The following COL4A4 variants were observed in gnomAD, a reference collection of about 807,000 sequenced individuals.
COL4A4 encodes collagen type IV alpha 4 chain, also known as collagen alpha-4(IV) chain.
COL4A4 carries 105 observed loss-of-function variants against 192.9 expected under a neutral mutation model. The ratio of observed to expected loss-of-function variants is 0.54; its 90% CI spans 0.46 to 0.64. The LOEUF (loss-of-function observed/expected upper bound fraction) is 0.64. Among genes scored for constraint, COL4A4 ranks in the 30% least tolerant of loss-of-function variants. The pLI is 0.00. For missense variants in COL4A4, 1,967 were observed against 2,169.3 expected (o/e 0.91, Z 1.85); for synonymous variants, 762 against 769.9 (o/e 0.99, Z 0.17).
At chr2:227,164,302 C>T (rs1405478591), upstream of COL4A4, 6 of 283,276 alleles carry the variant, frequency 2.1e-5, no homozygotes, top group South Asian at 1.6e-4. This position sits in a 1 kb window ranked among gnomAD's most constrained non-coding sequence, Gnocchi z 4.8. Flanking sequence ...GCCACCTCCC[C>T]ACCGCACACC....
intron 12 of COL4A4, among the ~76,000 whole-genome samples, chr2:227,105,896 C>T (rs2060810302): frequency 6.6e-6 from 1 of 152,088 alleles, no homozygotes; most frequent in Non-Finnish European, 1.5e-5. Context: ...TGTAATATTA[C>T]CTACCTCAAA....
intron 44 of COL4A4, among the ~76,000 whole-genome samples, chr2:227,016,201 C>T (rs1205841015): frequency 2.6e-5 from 4 of 152,118 alleles, no homozygotes; most frequent in African/African-American, 9.7e-5. Flanking sequence ...TAGAATCCAC[C>T]AAACAGCCCT....
intron 37 of COL4A4, among the ~76,000 whole-genome samples, chr2:227,041,596 G>A (rs907697249): frequency 2.7e-5 from 4 of 149,246 alleles, no homozygotes; most frequent in African/African-American, 7.5e-5. Flanking sequence ...AGCTGAGAAC[G>A]CGTCACTGTA....
chr2:227,086,125 G>A (rs544883005), intron 22 of COL4A4, among the ~76,000 whole-genome samples: 47 of 152,328 alleles, frequency 3.1e-4, no homozygotes, highest in African/African-American at 9.9e-4. Flanking sequence ...CATCCTGGCC[G>A]GAAATCCCAT....
intron 25 of COL4A4, among the ~76,000 whole-genome samples, chr2:227,065,177 G>C (rs1443083966): frequency 6.6e-6 from 1 of 152,194 alleles, no homozygotes; most frequent in East Asian, 1.9e-4. Context: ...GCGCTTTTCC[G>C]ACGGGCTTAA....
intron 37 of COL4A4, among the ~76,000 whole-genome samples, chr2:227,034,269 C>T (rs143464807): frequency 2.6e-5 from 4 of 152,214 alleles, no homozygotes; most frequent in East Asian, 1.9e-4. Context: ...TTTTTATCAA[C>T]GTATGTTGAG....
the COL4A4 span, chr2:226,988,356 T>C: frequency 1.9e-6 from 3 of 1,550,024 alleles, no homozygotes; most frequent in South Asian, 2.4e-5. Flanking sequence ...AAAGAGACAA[T>C]GGCAAGTCTC....
chr2:227,014,091 G>C (rs928698892), intron 44 of COL4A4, among the ~76,000 whole-genome samples: 1 of 152,204 alleles, frequency 6.6e-6, no homozygotes, highest in African/African-American at 2.4e-5. Flanking sequence ...GGCCCCGACT[G>C]TGCGTCCACA....
the COL4A4 span, chr2:226,996,306 C>G: frequency 6.6e-6 from 1 of 152,170 alleles, no homozygotes; most frequent in Admixed American, 6.5e-5. Flanking sequence ...CAGAGTAGAG[C>G]GAAGGCATTT....
chr2:227,101,751 T>G, intron 16 of COL4A4, 114 bp downstream of exon 16: 2 of 1,068,050 alleles, frequency 1.9e-6, no homozygotes, highest in South Asian at 1.4e-5. Context: ...ATAAAATGAA[T>G]GTGTCTGCCT....
rs570847590 is a variant in COL4A4 at position 227,041,598 on chromosome 2, G to A, written c.3505+550C>T. 8.1e-5 allele frequency among the ~76,000 whole-genome samples: 12 copies of A among 149,066 alleles called. No individual in the cohort carries two copies. In the South Asian group the frequency reaches 1.5e-3, roughly 19 times the overall value. Reference sequence around the variant, plus strand: ...GGAGGTTGCAGTGAGCTGAGAACGCGTCACTGTACTCCAGCCTGGGTGACA... The same window carrying A: ...GGAGGTTGCAGTGAGCTGAGAACGCATCACTGTACTCCAGCCTGGGTGACA... On this transcript the variant is annotated intron_variant, in intron 37 of 47. Transcript: ENST00000396625.
At chr2:227,144,968 TAGA>T (rs1269725028) in intron 2 of COL4A4, among the ~76,000 whole-genome samples, 8 of 151,964 alleles carry the variant, frequency 5.3e-5, no homozygotes, top group Admixed American at 1.3e-4. Flanking sequence ...TGGAAGCAAC[TAGA>T]AGGAGGGAAG....
intron 43 of COL4A4, among the ~76,000 whole-genome samples, chr2:227,023,814 C>G (rs917882304): frequency 6.6e-6 from 1 of 151,874 alleles, no homozygotes; most frequent in Non-Finnish European, 1.5e-5. Context: ...GAGATTGAGA[C>G]CATCCTAGCC....
rs114480786 is a variant in COL4A4, at chr2:227,047,925, G to A, written c.3215-376C>T. 1.7e-3 allele frequency among the ~76,000 whole-genome samples: 261 copies of A among 152,252 alleles called. 2 individuals carry two copies. Among genetic ancestry groups the A allele is most frequent in the African/African-American group, 6.0e-3 (251 of 41,544 alleles). On this transcript the variant is annotated intron_variant, in intron 34 of 47. Transcript: ENST00000396625. ...GAAACCAAAATCAAAAATTGTAACTGTTTTCACTGCTGCAATCATATTTCA... is the reference window on the plus strand; with the variant it reads ...GAAACCAAAATCAAAAATTGTAACTATTTTCACTGCTGCAATCATATTTCA...
chr2:226,981,258 C>G, the COL4A4 span, among the ~76,000 whole-genome samples: 1 of 152,072 alleles, frequency 6.6e-6, no homozygotes, highest in Non-Finnish European at 1.5e-5. Flanking sequence ...GGAGAAATAC[C>G]TAATGTAAAT....
chr2:227,042,311 C>A lies in COL4A4; in HGVS notation c.3398-56G>T, dbSNP rs1971631014. 4.1e-6 allele frequency: 4 copies of A among 964,312 alleles called. No homozygotes were observed. In the Admixed American group the frequency reaches 5.2e-5, roughly 13 times the overall value. 59.7% of individuals were successfully genotyped at this position (964,312 alleles called of 1,614,324 possible). On this transcript the variant is annotated intron_variant, in intron 36 of 47. Transcript: ENST00000396625. ...CCAGATAATAAATGAATTACATTCA[C>A]TGCAAAAGTCATCTATGTTCTTAAT...
rs962293107 is a variant in COL4A4, at chr2:227,004,742, G to T, written c.*2583C>A. 19 of 152,296 alleles carry T rather than the reference G, an allele frequency of 1.2e-4. No homozygotes were observed. The highest frequency in any genetic ancestry group is 3.4e-4 in the African/African-American group (14 of 41,432). 9.4% of individuals were successfully genotyped at this position (152,296 alleles called of 1,614,324 possible). On this transcript the variant is annotated 3_prime_UTR_variant, in exon 48 of 48. Coordinates refer to ENST00000396625, the MANE Select transcript of COL4A4 (RefSeq NM_000092.5). Reference sequence around the variant, plus strand: ...CATGGAAACCTGCCTGGATGAATGGGCTCCACTCACTGAGAATCAGAACCC... The same window carrying T: ...CATGGAAACCTGCCTGGATGAATGGTCTCCACTCACTGAGAATCAGAACCC...
In COL4A4 at chr2:227,123,637, G is replaced by A. The variant is rs919043256; in HGVS notation, c.193-2489C>T. On this transcript the variant is annotated intron_variant, in intron 4 of 47. Coordinates refer to ENST00000396625, the MANE Select transcript of COL4A4 (RefSeq NM_000092.5). This position sits in a 1 kb window ranked among gnomAD's most constrained non-coding sequence, Gnocchi z 4.6. ...TATCTCCTTGGCTGAGGGCCCTGGT[G>A]ATGGGTATGGAGTGCCTGCCAACTG... is the stretch of plus-strand genomic sequence containing the variant. Among the ~76,000 whole-genome samples, 9 of 152,212 alleles carry A rather than the reference G, an allele frequency of 5.9e-5. No individual in the cohort carries two copies. The highest frequency in any genetic ancestry group is 1.9e-4 in the African/African-American group (8 of 41,462).
At chr2:226,985,953 G>A in the COL4A4 span, among the ~76,000 whole-genome samples, 1 of 152,232 alleles carries the variant, frequency 6.6e-6, no homozygotes, top group African/African-American at 2.4e-5. Flanking sequence ...AGTTCAAAGT[G>A]GAGAAAACTG....
Sources: allele counts gnomAD v4.1 joint callset (sites outside exome capture counted in the v4.1 genomes callset), GRCh38; gene constraint gnomAD v4.1.1; non-coding constraint Gnocchi (gnomAD v3.1); transcripts MANE v1.5; gene names NCBI Gene and HGNC (gene_info 2026-07-23, HGNC 2026-07-21).